Variants in CACNA2D2 observed in about 807,000 individuals in gnomAD.
CACNA2D2 encodes the protein voltage-dependent calcium channel subunit alpha-2/delta-2.
A neutral mutation model predicts 166.4 loss-of-function variants in CACNA2D2; 48 were observed. That is an observed-to-expected ratio of 0.29 (90% CI 0.23 to 0.37). The LOEUF (loss-of-function observed/expected upper bound fraction) is 0.37. Ranked by LOEUF, CACNA2D2 falls within the 10% of genes least tolerant of loss-of-function variation. The pLI is 1.00. For missense variants in CACNA2D2, 1,122 were observed against 1,433.0 expected (o/e 0.78, Z 3.50); for synonymous variants, 561 against 573.7 (o/e 0.98, Z 0.32).
chr3:50,372,754 C>T (rs1362496424), intron 22 of CACNA2D2, among the ~76,000 whole-genome samples: 1 of 152,024 alleles, frequency 6.6e-6, no homozygotes, highest in Non-Finnish European at 1.5e-5. Context: ...GTTGAGTTGT[C>T]TTAGAGGGAC....
intron 2 of CACNA2D2, among the ~76,000 whole-genome samples, chr3:50,475,582 A>C (rs979617117): frequency 1.3e-5 from 2 of 152,126 alleles, no homozygotes; most frequent in African/African-American, 4.8e-5. Flanking sequence ...TCACTATTTC[A>C]AACATTAACA....
chr3:50,485,368 T>A (rs1284344791), intron 1 of CACNA2D2, among the ~76,000 whole-genome samples: 1 of 152,348 alleles, frequency 6.6e-6, no homozygotes, highest in Non-Finnish European at 1.5e-5. Context: ...GCCACCCTAG[T>A]GGTTTTCAAA....
chr3:50,424,654 C>T (rs542089310), intron 3 of CACNA2D2, among the ~76,000 whole-genome samples: 15 of 152,314 alleles, frequency 9.8e-5, no homozygotes, highest in Admixed American at 2.0e-4. Context: ...CAGGTCTATT[C>T]GTGCTGTCCC....
intron 2 of CACNA2D2, among the ~76,000 whole-genome samples, chr3:50,461,894 A>T (rs1274922962): frequency 6.6e-6 from 1 of 152,226 alleles, no homozygotes; most frequent in Admixed American, 6.5e-5. Context: ...GGGGAAAGGA[A>T]ATCCCAGGGA....
intron 2 of CACNA2D2, 92 bp from the exon 3 acceptor site, chr3:50,434,521 C>A: frequency 1.1e-6 from 1 of 904,582 alleles, no homozygotes; most frequent in Non-Finnish European, 1.8e-6. Context: ...CTCACCTCAG[C>A]ACAGTATTCA....
intron 2 of CACNA2D2, among the ~76,000 whole-genome samples, chr3:50,448,986 C>T (rs1708987094): frequency 6.6e-6 from 1 of 152,240 alleles, no homozygotes; most frequent in Non-Finnish European, 1.5e-5. Context: ...ACCCCCATCC[C>T]ACAGACAAGA....
intron 2 of CACNA2D2, 146 bp downstream of exon 2, chr3:50,475,972 T>C (rs1047222882): frequency 1.0e-5 from 7 of 670,336 alleles, no homozygotes; most frequent in Admixed American, 2.3e-5. Context: ...CATCCAGTCA[T>C]GTCCCACCTG....
At chr3:50,462,262 G>A (rs1337761962) in intron 2 of CACNA2D2, among the ~76,000 whole-genome samples, 1 of 151,916 alleles carries the variant, frequency 6.6e-6, no homozygotes, top group East Asian at 1.9e-4. Flanking sequence ...GGTGGTGCGT[G>A]CCTGAATTCC....
intron 2 of CACNA2D2, among the ~76,000 whole-genome samples, chr3:50,462,757 G>A (rs1709648452): frequency 6.6e-6 from 1 of 152,242 alleles, no homozygotes; most frequent in Middle Eastern, 3.4e-3. Flanking sequence ...TGGGGAGCTG[G>A]AAATGGAGAG....
chr3:50,476,239 C>T (rs1235132639), intron 1 of CACNA2D2, 40 bp from the exon 2 acceptor site: 8 of 1,512,504 alleles, frequency 5.3e-6, no homozygotes, highest in Non-Finnish European at 6.3e-6. Context: ...GGAGGGCCTG[C>T]CCAGAGCTGC....
At chr3:50,404,699 T>A (rs1706611653) in intron 3 of CACNA2D2, among the ~76,000 whole-genome samples, 1 of 152,214 alleles carries the variant, frequency 6.6e-6, no homozygotes, top group African/African-American at 2.4e-5. Context: ...GAGCACCTAC[T>A]GTGTGCAGTA....
At chr3:50,433,050 C>T (rs1378313858) in intron 3 of CACNA2D2, among the ~76,000 whole-genome samples, 1 of 152,260 alleles carries the variant, frequency 6.6e-6, no homozygotes, top group Non-Finnish European at 1.5e-5. Context: ...ATAAAGTATA[C>T]AATTCAGTGG....
At chr3:50,434,598 G>C (rs572813856) in intron 2 of CACNA2D2, among the ~76,000 whole-genome samples, 169 bp from the exon 3 acceptor site, 2 of 152,334 alleles carry the variant, frequency 1.3e-5, no homozygotes, top group Admixed American at 6.5e-5. Context: ...CCACAGACTT[G>C]AAGGCAGGGC....
chr3:50,480,313 G>A (rs1220801167), intron 1 of CACNA2D2, among the ~76,000 whole-genome samples: 6 of 152,170 alleles, frequency 3.9e-5, no homozygotes, highest in African/African-American at 1.4e-4. Context: ...CGGTAAACAG[G>A]GGTAATAATG....
At position 50,479,482 on chromosome 3, in the gene CACNA2D2, C is replaced by T. The variant is rs150034287; in HGVS notation, c.207-3283G>A. 4.2e-3 allele frequency among the ~76,000 whole-genome samples: 643 copies of T among 152,352 alleles called. 1 individual carries two copies. Among genetic ancestry groups the T allele is most frequent in the Non-Finnish European group, 6.6e-3 (451 of 68,028 alleles). On this transcript the variant is annotated intron_variant, in intron 1 of 37. Transcript: ENST00000424201. ...CAGAGTTAAAAGAAAATAATTCATT[C>T]CATTGTCACAGAGATGTGACTTTGT...
intron 3 of CACNA2D2, among the ~76,000 whole-genome samples, chr3:50,412,388 G>A (rs1016530991): frequency 6.6e-6 from 1 of 152,184 alleles, no homozygotes; most frequent in Non-Finnish European, 1.5e-5. Context: ...TTCTTATTGA[G>A]ATAACGAATC....
Position 50,427,530 on chromosome 3 carries a change from G to A in CACNA2D2, c.405+6783C>T, listed in dbSNP as rs1427148603. ...TCTGCGGCTCCTTTCCAGAGCAGGA[G>A]AGTGGAAGGGTCAAGATCTCTTAAT... On this transcript the variant is annotated intron_variant, in intron 3 of 37. Transcript: ENST00000424201. This position sits in a 1 kb window ranked among gnomAD's most constrained non-coding sequence, Gnocchi z 4.7. 6.6e-6 allele frequency among the ~76,000 whole-genome samples: 1 copy of A among 152,260 alleles called. No homozygotes were observed. Among genetic ancestry groups the A allele is most frequent in the Non-Finnish European group, 1.5e-5 (1 of 68,042 alleles).
intron 1 of CACNA2D2, among the ~76,000 whole-genome samples, chr3:50,491,983 C>T (rs1210836689): frequency 6.6e-6 from 1 of 152,214 alleles, no homozygotes; most frequent in Admixed American, 6.5e-5. Flanking sequence ...GGTTCCTGGC[C>T]ACAGTGGAGC....
intron 6 of CACNA2D2, among the ~76,000 whole-genome samples, chr3:50,383,650 T>C (rs2236951): frequency 0.34 from 51,533 of 151,968 alleles, 10,864 homozygotes; most frequent in East Asian, 0.68. Context: ...CCCTTCCTTA[T>C]ATCCCCAGCT....
Sources: gnomAD v4.1 joint callset for allele counts (sites outside exome capture counted in the v4.1 genomes callset) on GRCh38, gnomAD v4.1.1 for gene constraint, Gnocchi (gnomAD v3.1) non-coding constraint, MANE v1.5 for transcripts, NCBI Gene and HGNC (gene_info 2026-07-23, HGNC 2026-07-21) for gene names.